MAP2K5: variants seen among roughly 807,000 people sequenced by gnomAD.
The protein encoded by MAP2K5 is dual specificity mitogen-activated protein kinase kinase 5.
A neutral mutation model predicts 83.1 loss-of-function variants in MAP2K5; 49 were observed. The observed-to-expected ratio is 0.59, with a 90% CI of 0.47 to 0.75. The LOEUF (loss-of-function observed/expected upper bound fraction) is 0.75, where lower values mean the gene tolerates loss of function less well. Among genes scored for constraint, MAP2K5 ranks in the 30% least tolerant of loss-of-function variants. The pLI is 0.00. For synonymous variants in MAP2K5, 202 were observed against 191.8 expected, an observed-to-expected ratio of 1.05 and a Z score of -0.44; for missense variants, 457 against 557.5, an observed-to-expected ratio of 0.82 and a Z score of 1.82.
intron 16 of MAP2K5, among the ~76,000 whole-genome samples, chr15:67,721,639 G>A (rs1210317664): frequency 6.6e-6 from 1 of 152,174 alleles, no homozygotes; most frequent in Non-Finnish European, 1.5e-5. Context: ...CTTACAGTAT[G>A]ACCTTGAGCA....
intron 17 of MAP2K5, among the ~76,000 whole-genome samples, chr15:67,737,222 C>T (rs1367796236): frequency 6.6e-6 from 1 of 152,198 alleles, no homozygotes; most frequent in African/African-American, 2.4e-5. Context: ...TAATTGCTGA[C>T]TGGCTATGGA....
rs192279415 is a variant in MAP2K5, at chr15:67,766,600, C to T, written c.1135-3002C>T. Among the ~76,000 whole-genome samples the T allele has an allele frequency of 5.9e-5, 9 of 152,294 alleles. No individual in the cohort carries two copies. In the East Asian group the frequency reaches 1.3e-3, roughly 23 times the overall value. On this transcript the variant is annotated intron_variant, in intron 19 of 21. Coordinates refer to ENST00000178640, the MANE Select transcript of MAP2K5 (RefSeq NM_145160.3). ...CCTGTGAGCTACAGTGAAACTGGAG[C>T]GCAAATTTACTGTATGCCTCCCTCC...
chr15:67,806,581 T>C, intron 21 of MAP2K5, 65 bp from the exon 22 acceptor site: 3 of 1,410,240 alleles, frequency 2.1e-6, no homozygotes, highest in Non-Finnish European at 2.9e-6. Context: ...GGGCAGGCCC[T>C]GGAAAGTACA....
At chr15:67,711,671 GCACACACACA>G (rs72106715) in intron 16 of MAP2K5, among the ~76,000 whole-genome samples, 53 of 150,982 alleles carry the variant, frequency 3.5e-4, no homozygotes, top group Non-Finnish European at 3.0e-4. Context: ...AGGCGTGCAC[GCACACACACA>G]CACACACACA....
rs2141293980 is a variant in MAP2K5, at chr15:67,764,699, A to T, written c.1135-4903A>T. On this transcript the variant is annotated intron_variant, in intron 19 of 21. Transcript: ENST00000178640. This position sits in a 1 kb window ranked among gnomAD's most constrained non-coding sequence, Gnocchi z 4.9. ...TAATGAATGATTGTATCATTTTTACACAGTATTTTATGTTATGCCTTATCA... is the reference window on the plus strand; with the variant it reads ...TAATGAATGATTGTATCATTTTTACTCAGTATTTTATGTTATGCCTTATCA... Among the ~76,000 whole-genome samples the T allele has an allele frequency of 6.6e-6, 1 of 152,344 alleles. No individual in the cohort carries two copies. The highest frequency in any genetic ancestry group is 1.5e-5 in the Non-Finnish European group (1 of 68,042).
intron 8 of MAP2K5, among the ~76,000 whole-genome samples, chr15:67,617,722 C>T (rs1458497639): frequency 6.6e-6 from 1 of 152,064 alleles, no homozygotes; most frequent in East Asian, 1.9e-4. Context: ...TACAGGGCCT[C>T]ACTCTGTCAC....
chr15:67,743,965 T>A (rs1383329706), intron 17 of MAP2K5, among the ~76,000 whole-genome samples: 1 of 152,170 alleles, frequency 6.6e-6, no homozygotes, highest in Non-Finnish European at 1.5e-5. Flanking sequence ...TCATGCGTTT[T>A]CCTCACAGTG....
chr15:67,550,885 C>G (rs2084496273), intron 2 of MAP2K5, among the ~76,000 whole-genome samples: 1 of 152,064 alleles, frequency 6.6e-6, no homozygotes, highest in South Asian at 2.1e-4. Context: ...AGTTCTCATG[C>G]CTCAGCCTCC....
In MAP2K5 at chr15:67,774,636, A is replaced by G. The variant is rs2141308054; in HGVS notation, c.1242+1884A>G. Reference sequence around the variant, plus strand: ...AACCAGCCTCTTTATTCCTTCCAGCATATTAATGGCTTTAATTTTTCCTTT... The same window carrying G: ...AACCAGCCTCTTTATTCCTTCCAGCGTATTAATGGCTTTAATTTTTCCTTT... On this transcript the variant is annotated intron_variant, in intron 21 of 21. Transcript: ENST00000178640. The surrounding 1 kb of genome is among the most constrained non-coding windows in gnomAD (Gnocchi z 4.9). 6.6e-6 allele frequency among the ~76,000 whole-genome samples: 1 copy of G among 152,312 alleles called. No individual in the cohort carries two copies. Among genetic ancestry groups the G allele is most frequent in the Non-Finnish European group, 1.5e-5 (1 of 68,028 alleles).
chr15:67,682,465 C>T (rs2087841378), intron 13 of MAP2K5, among the ~76,000 whole-genome samples: 2 of 151,648 alleles, frequency 1.3e-5, no homozygotes, highest in South Asian at 4.2e-4. Context: ...TCTCATGTTT[C>T]ACCCGCCTTG....
chr15:67,552,268 G>A lies in MAP2K5; in HGVS notation c.184+2186G>A, dbSNP rs1015611283. 3.9e-5 allele frequency among the ~76,000 whole-genome samples: 6 copies of A among 152,170 alleles called. No individual in the cohort carries two copies. The highest frequency in any genetic ancestry group is 3.9e-4 in the Admixed American group (6 of 15,278). ...GTACATCTGTCTGAAATACATACTA[G>A]TGTTGCAAGCTTTATTCAGACTCTT... On this transcript the variant is annotated intron_variant, in intron 2 of 21. Coordinates refer to ENST00000178640, the MANE Select transcript of MAP2K5 (RefSeq NM_145160.3). This position sits in a 1 kb window ranked among gnomAD's most constrained non-coding sequence, Gnocchi z 4.2.
chr15:67,709,291 CA>C (rs1566937162), intron 16 of MAP2K5, among the ~76,000 whole-genome samples: 1 of 151,868 alleles, frequency 6.6e-6, no homozygotes, highest in Non-Finnish European at 1.5e-5. Context: ...TGTGGAAATG[CA>C]AAAAGAAAAT....
Position 67,692,529 on chromosome 15 carries a change from T to C in MAP2K5, c.898T>C (p.Cys300Arg). Residue 300 changes from cysteine to arginine, a missense_variant, in exon 14 of 22, where the codon TGT becomes CGT. Cys to Arg is a radical substitution (Grantham distance 180, BLOSUM62 -3). Coordinates refer to ENST00000178640, the MANE Select transcript of MAP2K5 (RefSeq NM_145160.3). ...LVNTRGQVKLCDFGVSTQLVN... is the reference protein window; with the variant it reads ...LVNTRGQVKLRDFGVSTQLVN... ...AAACACAAGAGGACAGGTTAAGCTG[T>C]GTGATTTTGGAGTTAGCACTCAGGT... 6.2e-7 allele frequency: 1 copy of C among 1,613,586 alleles called. No homozygotes were observed. Among genetic ancestry groups the C allele is most frequent in the Non-Finnish European group, 8.5e-7 (1 of 1,179,628 alleles).
chr15:67,756,255 T>C (rs1194035738), intron 19 of MAP2K5, among the ~76,000 whole-genome samples: 3 of 152,178 alleles, frequency 2.0e-5, no homozygotes, highest in Non-Finnish European at 4.4e-5. Flanking sequence ...ACATTTTCTC[T>C]CTCTCACCAT....
intron 16 of MAP2K5, among the ~76,000 whole-genome samples, chr15:67,705,315 C>T (rs1021767624): frequency 6.6e-6 from 1 of 152,164 alleles, no homozygotes; most frequent in Non-Finnish European, 1.5e-5. Flanking sequence ...AAGGAAAAGA[C>T]ACTCAAGTCT....
chr15:67,666,759 C>T (rs2087390814), intron 13 of MAP2K5, among the ~76,000 whole-genome samples: 1 of 152,134 alleles, frequency 6.6e-6, no homozygotes, highest in Non-Finnish European at 1.5e-5. Context: ...TATAAAATGC[C>T]ACCTGTTGTG....
intron 9 of MAP2K5, among the ~76,000 whole-genome samples, chr15:67,643,375 AAATG>A (rs2086758040): frequency 6.6e-6 from 1 of 152,218 alleles, no homozygotes; most frequent in Non-Finnish European, 1.5e-5. Flanking sequence ...AGAAGTGTTT[AAATG>A]TTTCTTGGCA....
chr15:67,650,405 T>C (rs2086924580), intron 11 of MAP2K5, among the ~76,000 whole-genome samples: 1 of 152,120 alleles, frequency 6.6e-6, no homozygotes, highest in Admixed American at 6.5e-5. Context: ...TTCCTGACCT[T>C]AGAGGGAGAG....
At chr15:67,692,455 T>G in intron 13 of MAP2K5, 24 bp from the exon 14 acceptor site, 1 of 1,571,232 alleles carries the variant, frequency 6.4e-7, no homozygotes, top group Non-Finnish European at 8.8e-7. Context: ...ATTAGTTACA[T>G]GGCCTTTTCT....
Sources: allele counts gnomAD v4.1 joint callset (sites outside exome capture counted in the v4.1 genomes callset), GRCh38; gene constraint gnomAD v4.1.1; non-coding constraint Gnocchi (gnomAD v3.1); transcripts MANE v1.5; gene names NCBI Gene and HGNC (gene_info 2026-07-23, HGNC 2026-07-21).